EXTL3: variants seen among roughly 807,000 people sequenced by gnomAD.
EXTL3 encodes the protein exostosin like glycosyltransferase 3.
A neutral mutation model predicts 69.3 loss-of-function variants in EXTL3; 27 were observed. The ratio of observed to expected loss-of-function variants is 0.39; its 90% CI spans 0.29 to 0.54. The LOEUF (loss-of-function observed/expected upper bound fraction) is 0.54. EXTL3 is among the 20% of genes least tolerant of loss of function. The probability of loss-of-function intolerance (pLI) is 0.69; values close to 1 mark genes in which losing one functional copy is unlikely to be tolerated. For missense variants in EXTL3, 1,003 were observed against 1,231.8 expected (o/e 0.81, Z 2.78); for synonymous variants, 511 against 499.4 (o/e 1.02, Z -0.31).
chr8:28,683,187 G>A (rs961575909), intron 1 of EXTL3, among the ~76,000 whole-genome samples: 1 of 152,074 alleles, frequency 6.6e-6, no homozygotes, highest in Non-Finnish European at 1.5e-5. Flanking sequence ...TTGAAATCAG[G>A]TCGTGATGTG....
intron 1 of EXTL3, among the ~76,000 whole-genome samples, chr8:28,669,547 G>A (rs1157073993): frequency 6.6e-6 from 1 of 152,194 alleles, no homozygotes; most frequent in Non-Finnish European, 1.5e-5. Flanking sequence ...AGGGGTGTGT[G>A]TGTTGTGCAA....
intron 2 of EXTL3, among the ~76,000 whole-genome samples, chr8:28,617,019 G>A (rs187772889): frequency 3.9e-4 from 60 of 152,300 alleles, no homozygotes; most frequent in African/African-American, 1.3e-3. Context: ...CCAACTCCAG[G>A]AATCCCACTT....
intron 1 of EXTL3, among the ~76,000 whole-genome samples, chr8:28,666,002 G>T (rs2130631587): frequency 6.6e-6 from 1 of 152,178 alleles, no homozygotes; most frequent in East Asian, 1.9e-4. Flanking sequence ...GGTGGCGTTT[G>T]AATCTGTGGT....
intron 3 of EXTL3, among the ~76,000 whole-genome samples, chr8:28,726,766 C>T (rs953850293): frequency 6.6e-6 from 1 of 151,996 alleles, no homozygotes; most frequent in African/African-American, 2.4e-5. Context: ...TTGAGAACCA[C>T]TGCTCTGAAT....
At chr8:28,621,318 A>G (rs912059866), upstream of EXTL3, among the ~76,000 whole-genome samples, 5 of 152,222 alleles carry the variant, frequency 3.3e-5, no homozygotes, top group Non-Finnish European at 7.3e-5. Flanking sequence ...ATTTGGACAC[A>G]GGAAAAATGC....
At chr8:28,643,744 TTTGTATTTCTTAACAA>T (rs1387169112) in intron 1 of EXTL3, among the ~76,000 whole-genome samples, 1 of 152,092 alleles carries the variant, frequency 6.6e-6, no homozygotes, top group Non-Finnish European at 1.5e-5. Flanking sequence ...ATTACATGCA[TTTGTATTTCTTAACAA>T]TATAGGTTTT....
chr8:28,736,648 A>G (rs1313198837), intron 4 of EXTL3, among the ~76,000 whole-genome samples: 6 of 152,232 alleles, frequency 3.9e-5, no homozygotes. Context: ...GGTGCAGTTC[A>G]GTAGTCTTCT....
intron 1 of EXTL3, among the ~76,000 whole-genome samples, chr8:28,663,754 A>G (rs1452588527): frequency 6.6e-6 from 1 of 152,144 alleles, no homozygotes; most frequent in Non-Finnish European, 1.5e-5. Flanking sequence ...GCCTGGCCTG[A>G]AGACCACTAT....
chr8:28,695,573 G>C (rs1800673280), intron 1 of EXTL3, among the ~76,000 whole-genome samples: 1 of 152,198 alleles, frequency 6.6e-6, no homozygotes, highest in Non-Finnish European at 1.5e-5. Context: ...GTTTTCTGCA[G>C]ACCAGCTTTC....
intron 1 of EXTL3, among the ~76,000 whole-genome samples, chr8:28,644,311 T>A (rs1352896464): frequency 6.6e-6 from 1 of 152,188 alleles, no homozygotes. Flanking sequence ...TCTTTTTTTC[T>A]TTTTTGCTAG....
Position 28,716,814 on chromosome 8 carries a change from G to T in EXTL3, c.755G>T (p.Arg252Leu). 6.2e-7 allele frequency: 1 copy of T among 1,614,174 alleles called. No individual in the cohort carries two copies. Among genetic ancestry groups the T allele is most frequent in the Non-Finnish European group, 8.5e-7 (1 of 1,180,034 alleles). Residue 252 changes from arginine to leucine, a missense_variant, in exon 3 of 7, where the codon CGG becomes CTG. Physicochemically the swap from Arg to Leu is moderately radical, Grantham distance 102. This residue lies in a region of EXTL3 where 742 missense variants were observed against 815.4 expected (regional missense o/e 0.91). Coordinates refer to ENST00000220562, the MANE Select transcript of EXTL3 (RefSeq NM_001440.4). The surrounding 1 kb of genome is among the most constrained non-coding windows in gnomAD (Gnocchi z 7.1). Reference sequence around the variant, plus strand: ...GAGATGCAGGAGCCGGTGGTGCTGCGGCCTGCTGAGCTGGAGAAGCAGTTG... The same window carrying T: ...GAGATGCAGGAGCCGGTGGTGCTGCTGCCTGCTGAGCTGGAGAAGCAGTTG... Reference protein sequence around the residue: ...VGEMQEPVVLRPAELEKQLYS... With the variant: ...VGEMQEPVVLLPAELEKQLYS...
At chr8:28,680,624 A>G (rs1807470098) in intron 1 of EXTL3, among the ~76,000 whole-genome samples, 1 of 152,184 alleles carries the variant, frequency 6.6e-6, no homozygotes, top group African/African-American at 2.4e-5. Flanking sequence ...ATTTATAAAT[A>G]TACATTAATT....
At chr8:28,756,370 G>A (rs956267911), downstream of EXTL3, among the ~76,000 whole-genome samples, 5 of 152,074 alleles carry the variant, frequency 3.3e-5, no homozygotes, top group African/African-American at 1.2e-4. Context: ...TCTTGTGTGT[G>A]TCCGTCTTCT....
chr8:28,653,375 A>G (rs1018026482), intron 1 of EXTL3, among the ~76,000 whole-genome samples: 2 of 152,136 alleles, frequency 1.3e-5, no homozygotes, highest in Non-Finnish European at 2.9e-5. Context: ...TTTATTTTCA[A>G]AAAGTTTAGT....
At chr8:28,638,016 G>A (rs951134686) in intron 1 of EXTL3, among the ~76,000 whole-genome samples, 2 of 152,144 alleles carry the variant, frequency 1.3e-5, no homozygotes, top group African/African-American at 4.8e-5. Context: ...CCTGACGCAC[G>A]TGTCTTTGAG....
chr8:28,693,454 G>A (rs1231494815), intron 1 of EXTL3, among the ~76,000 whole-genome samples: 2 of 152,078 alleles, frequency 1.3e-5, no homozygotes, highest in Non-Finnish European at 2.9e-5. Flanking sequence ...CCCAGCCACA[G>A]AAAACAGATT....
chr8:28,631,551 G>A (rs6994291), intron 1 of EXTL3: 84,401 of 152,046 alleles, frequency 0.56, 26,212 homozygotes, highest in African/African-American at 0.84. Context: ...CAAGAATAGA[G>A]TAAGTCCTGT....
At chr8:28,749,883 G>T (rs778347215) in intron 6 of EXTL3, among the ~76,000 whole-genome samples, 7 of 152,180 alleles carry the variant, frequency 4.6e-5, no homozygotes, top group Non-Finnish European at 8.8e-5. Context: ...TTGTGGAGAT[G>T]AGGTTTTGCT....
chr8:28,640,631 C>T (rs1806728117), intron 1 of EXTL3, among the ~76,000 whole-genome samples: 2 of 152,186 alleles, frequency 1.3e-5, no homozygotes, highest in Non-Finnish European at 2.9e-5. Context: ...GAGACAAGGT[C>T]TTGCTTTGTT....
Sources: allele counts gnomAD v4.1 joint callset (sites outside exome capture counted in the v4.1 genomes callset), GRCh38; gene constraint gnomAD v4.1.1; regional missense constraint gnomAD v4.1.1; non-coding constraint Gnocchi (gnomAD v3.1); transcripts MANE v1.5; gene names NCBI Gene and HGNC (gene_info 2026-07-23, HGNC 2026-07-21).